FBXO11: variants seen among roughly 807,000 people sequenced by gnomAD.
FBXO11 encodes F-box protein 11, also known as F-box only protein 11.
A neutral mutation model predicts 117.0 loss-of-function variants in FBXO11; 13 were observed. The observed-to-expected ratio is 0.11, with a 90% CI of 0.07 to 0.18. FBXO11 has a LOEUF of 0.18. Among genes scored for constraint, FBXO11 ranks in the 10% least tolerant of loss-of-function variants. FBXO11 has a pLI of 1.00. For missense variants in FBXO11, 767 were observed against 1,164.4 expected, an observed-to-expected ratio of 0.66 and a Z score of 4.97; for synonymous variants, 490 against 380.5, an observed-to-expected ratio of 1.29 and a Z score of -3.35.
chr2:47,813,090 TCTC>T (rs1169107766), intron 18 of FBXO11, 141 bp downstream of exon 18: 15 of 849,222 alleles, frequency 1.8e-5, no homozygotes, highest in African/African-American at 1.5e-4. Flanking sequence ...TAGGCACTAA[TCTC>T]CTAAACCAGT....
chr2:47,853,708 TTAAG>T (rs1227399383), intron 1 of FBXO11, among the ~76,000 whole-genome samples: 3 of 152,274 alleles, frequency 2.0e-5, no homozygotes, highest in East Asian at 1.9e-4. Flanking sequence ...ACTGTGAAGA[TTAAG>T]TAAGACTGAT....
At chr2:47,881,827 A>T (rs1676451678) in intron 1 of FBXO11, among the ~76,000 whole-genome samples, 1 of 152,134 alleles carries the variant, frequency 6.6e-6, no homozygotes, top group South Asian at 2.1e-4. Flanking sequence ...TCTCACTGCA[A>T]CCATCTACCT....
chr2:47,813,425 A>ATTATTTTT (rs1670763950), intron 17 of FBXO11, 48 bp from the exon 18 acceptor site: 1 of 327,432 alleles, frequency 3.1e-6, no homozygotes, highest in African/African-American at 5.4e-5. Context: ...TTTCTTTTTA[A>ATTATTTTT]TTTTTTTTTT....
chr2:47,811,225 C>CT (rs1213656904), intron 18 of FBXO11: 2 of 152,216 alleles, frequency 1.3e-5, no homozygotes, highest in Non-Finnish European at 2.9e-5. Flanking sequence ...TGCATATACA[C>CT]TGTTGCTTTT....
chr2:47,826,766 CTTT>C (rs1671785182), intron 11 of FBXO11, among the ~76,000 whole-genome samples: 1 of 152,084 alleles, frequency 6.6e-6, no homozygotes, highest in African/African-American at 2.4e-5. Flanking sequence ...ATCACCTCTT[CTTT>C]TTATTTATTT....
intron 1 of FBXO11, among the ~76,000 whole-genome samples, chr2:47,872,947 T>C (rs1675731955): frequency 6.6e-6 from 1 of 152,088 alleles, no homozygotes; most frequent in African/African-American, 2.4e-5. Context: ...TAAATATTGA[T>C]AGCTATAACC....
intron 12 of FBXO11, among the ~76,000 whole-genome samples, chr2:47,822,641 T>C (rs1671471185): frequency 6.6e-6 from 1 of 152,232 alleles, no homozygotes; most frequent in Non-Finnish European, 1.5e-5. Context: ...TTAAAAATAA[T>C]TCATAGTGTC....
chr2:47,869,382 G>A (rs1279551755), intron 1 of FBXO11, among the ~76,000 whole-genome samples: 1 of 152,188 alleles, frequency 6.6e-6, no homozygotes, highest in South Asian at 2.1e-4. Context: ...TATTGTGCTG[G>A]CTGGAGTGAC....
chr2:47,832,285 G>C (rs1410987769), intron 11 of FBXO11, 64 bp downstream of exon 11: 7 of 1,396,052 alleles, frequency 5.0e-6, no homozygotes, highest in Admixed American at 4.5e-5. Context: ...AAATAATGCT[G>C]AAACATACTT....
chr2:47,834,115 C>T (rs984037056), intron 7 of FBXO11, among the ~76,000 whole-genome samples: 3 of 152,148 alleles, frequency 2.0e-5, no homozygotes, highest in Non-Finnish European at 4.4e-5. Flanking sequence ...TTTGGAAGGC[C>T]GAGATGGGCA....
chr2:47,861,076 C>G (rs1303090331), intron 1 of FBXO11, among the ~76,000 whole-genome samples: 9 of 151,682 alleles, frequency 5.9e-5, no homozygotes, highest in Admixed American at 5.3e-4. Context: ...TTTCGAACTC[C>G]CAACCTCAGG....
chr2:47,888,635 T>G, intron 1 of FBXO11: 1 of 976,626 alleles, frequency 1.0e-6, no homozygotes. Flanking sequence ...CTTTTAGGCT[T>G]GTTCTTCTTT....
intron 1 of FBXO11, among the ~76,000 whole-genome samples, chr2:47,879,829 A>G (rs967296390): frequency 4.6e-5 from 7 of 152,106 alleles, no homozygotes; most frequent in African/African-American, 1.7e-4. Flanking sequence ...ACTACTTTAG[A>G]TATCTCATAT....
intron 1 of FBXO11, among the ~76,000 whole-genome samples, chr2:47,846,750 A>G (rs1162764016): frequency 1.3e-5 from 2 of 152,230 alleles, no homozygotes; most frequent in Non-Finnish European, 2.9e-5. Context: ...TATCATTTCA[A>G]TATGTAAATA....
At chr2:47,904,891 G>A (rs1026627878) in intron 1 of FBXO11, among the ~76,000 whole-genome samples, 14 of 152,040 alleles carry the variant, frequency 9.2e-5, no homozygotes, top group Non-Finnish European at 1.5e-4. Flanking sequence ...GGGGTTGGGA[G>A]AGGAGTCGCT....
intron 1 of FBXO11, among the ~76,000 whole-genome samples, chr2:47,869,400 G>C (rs1358772530): frequency 6.6e-6 from 1 of 152,190 alleles, no homozygotes; most frequent in Non-Finnish European, 1.5e-5. Flanking sequence ...GACTGATCTT[G>C]ACAACCAAGC....
At chr2:47,872,494 T>C (rs1183192446) in intron 1 of FBXO11, among the ~76,000 whole-genome samples, 1 of 152,152 alleles carries the variant, frequency 6.6e-6, no homozygotes, top group Non-Finnish European at 1.5e-5. Flanking sequence ...TGCCTAATTT[T>C]TGTATTTTTA....
chr2:47,826,539 C>G (rs1452232440), intron 11 of FBXO11, among the ~76,000 whole-genome samples: 1 of 152,164 alleles, frequency 6.6e-6, no homozygotes, highest in African/African-American at 2.4e-5. Flanking sequence ...TATGGGACAG[C>G]AGAATTTAGC....
At chr2:47,822,806 A>G (rs936708074) in intron 12 of FBXO11, among the ~76,000 whole-genome samples, 4 of 152,214 alleles carry the variant, frequency 2.6e-5, no homozygotes. Context: ...TTCAGAAAAA[A>G]GAAGACAAAG....
Sources: gnomAD v4.1 joint callset for allele counts (sites outside exome capture counted in the v4.1 genomes callset) on GRCh38, gnomAD v4.1.1 for gene constraint, MANE v1.5 for transcripts, NCBI Gene and HGNC (gene_info 2026-07-23, HGNC 2026-07-21) for gene names.